PHACTR1: variants seen among roughly 807,000 people sequenced by gnomAD.
The protein encoded by PHACTR1 is RPEL repeat containing 1.
In PHACTR1, 16 loss-of-function variants were observed where a neutral mutation model predicts 69.2. That is an observed-to-expected ratio of 0.23 (90% confidence interval 0.16 to 0.35). The LOEUF is 0.35. Among genes scored for constraint, PHACTR1 ranks in the 10% least tolerant of loss-of-function variants. The pLI is 1.00. For synonymous variants in PHACTR1, 312 were observed against 284.5 expected (o/e 1.10, Z -0.97); for missense variants, 510 against 734.7 (o/e 0.69, Z 3.54).
At chr6:12,868,059 A>G (rs1036976732) in intron 4 of PHACTR1, among the ~76,000 whole-genome samples, 1 of 152,096 alleles carries the variant, frequency 6.6e-6, no homozygotes, top group African/African-American at 2.4e-5. Context: ...GGAGATGGAG[A>G]CCATCCTGGC....
At chr6:13,119,267 A>C (rs938723365) in intron 5 of PHACTR1, among the ~76,000 whole-genome samples, 2 of 152,238 alleles carry the variant, frequency 1.3e-5, no homozygotes, top group Non-Finnish European at 2.9e-5. Context: ...TGGAAAACCC[A>C]CTGGGATTAA....
intron 4 of PHACTR1, among the ~76,000 whole-genome samples, chr6:12,999,312 C>T (rs900741775): frequency 1.3e-5 from 2 of 152,112 alleles, no homozygotes; most frequent in Non-Finnish European, 2.9e-5. Flanking sequence ...TCTTAAAATA[C>T]GTTGAGGCCG....
chr6:13,237,886 A>C (rs1280399906), intron 10 of PHACTR1, among the ~76,000 whole-genome samples: 1 of 152,218 alleles, frequency 6.6e-6, no homozygotes, highest in Non-Finnish European at 1.5e-5. Flanking sequence ...GTGCATGTAA[A>C]CATAGAAAAG....
At position 13,283,744 on chromosome 6, in the gene PHACTR1, G is replaced by A. The variant is rs1228361612; in HGVS notation, c.1650+182G>A. On this transcript the variant is annotated intron_variant, in intron 13 of 14. Coordinates refer to ENST00000332995, the MANE Select transcript of PHACTR1 (RefSeq NM_030948.6). The surrounding 1 kb of genome is among the most constrained non-coding windows in gnomAD (Gnocchi z 4.7). ...ACAGATAATCTGCGGAAAGGCTGCT[G>A]AATCGGAGAAAACACAAGGCACATA... 3 of 845,892 alleles carry A rather than the reference G, an allele frequency of 3.5e-6. No homozygotes were observed. Among genetic ancestry groups the A allele is most frequent in the Non-Finnish European group, 5.5e-6 (3 of 547,762 alleles). The allele number at this position is 845,892 out of a possible 1,614,324, so 52.4% of individuals were successfully genotyped here.
chr6:12,967,438 T>G (rs1478857522), intron 4 of PHACTR1, among the ~76,000 whole-genome samples: 2 of 152,086 alleles, frequency 1.3e-5, no homozygotes, highest in Non-Finnish European at 2.9e-5. Context: ...TACAAGGGAG[T>G]CTCTATTCTT....
chr6:13,230,438 C>T (rs185321181), intron 10 of PHACTR1: 45 of 783,210 alleles, frequency 5.7e-5, no homozygotes, highest in African/African-American at 5.2e-4. Context: ...CCCAGCTACT[C>T]GGGAGGCTGA....
intron 4 of PHACTR1, among the ~76,000 whole-genome samples, chr6:13,029,022 C>T (rs1237166629): frequency 1.3e-5 from 2 of 152,116 alleles, no homozygotes; most frequent in East Asian, 1.9e-4. Context: ...AATAACATTG[C>T]TTATTCACTT....
intron 5 of PHACTR1, among the ~76,000 whole-genome samples, chr6:13,114,930 T>TA (rs1561849636): frequency 6.6e-6 from 1 of 152,214 alleles, no homozygotes; most frequent in Non-Finnish European, 1.5e-5. Flanking sequence ...GTAAACTGCA[T>TA]ACATATTCTC....
chr6:13,134,795 T>TAAAAAAAAA (rs35318262), intron 5 of PHACTR1, among the ~76,000 whole-genome samples: 1 of 111,362 alleles, frequency 9.0e-6, no homozygotes, highest in African/African-American at 3.9e-5. Context: ...CAATAAATAC[T>TAAAAAAAAA]AAAAAAAAAA....
At chr6:12,952,323 C>T (rs1791397437) in intron 4 of PHACTR1, among the ~76,000 whole-genome samples, 3 of 152,230 alleles carry the variant, frequency 2.0e-5, no homozygotes, top group African/African-American at 7.2e-5. Context: ...GACATGTTCT[C>T]ACCACTGTAG....
At chr6:12,879,454 C>G (rs1205221522) in intron 4 of PHACTR1, among the ~76,000 whole-genome samples, 3 of 152,136 alleles carry the variant, frequency 2.0e-5, no homozygotes, top group Non-Finnish European at 2.9e-5. Context: ...TGCATTTACA[C>G]TCACCTTCCC....
chr6:12,818,384 A>G (rs1775828826), intron 4 of PHACTR1, among the ~76,000 whole-genome samples: 1 of 152,178 alleles, frequency 6.6e-6, no homozygotes, highest in South Asian at 2.1e-4. Context: ...TTCATCTTCC[A>G]GGAGGCCAAC....
At chr6:12,844,957 G>C (rs1398250523) in intron 4 of PHACTR1, among the ~76,000 whole-genome samples, 3 of 152,118 alleles carry the variant, frequency 2.0e-5, no homozygotes, top group Non-Finnish European at 4.4e-5. Context: ...AAATGCTTGA[G>C]CAGCAACAGA....
intron 5 of PHACTR1, among the ~76,000 whole-genome samples, chr6:13,084,291 C>T (rs1158453876): frequency 6.8e-6 from 1 of 146,116 alleles, no homozygotes; most frequent in Non-Finnish European, 1.5e-5. Context: ...ACCAACACCG[C>T]ATGTTCTCAC....
At chr6:13,133,442 C>T (rs997346349) in intron 5 of PHACTR1, among the ~76,000 whole-genome samples, 7 of 151,798 alleles carry the variant, frequency 4.6e-5, no homozygotes, top group South Asian at 2.1e-4. Flanking sequence ...TGCAGGCGCG[C>T]GCCGCCACAC....
intron 4 of PHACTR1, among the ~76,000 whole-genome samples, chr6:12,811,735 G>T (rs140062859): frequency 1.1e-3 from 173 of 152,142 alleles, no homozygotes; most frequent in African/African-American, 3.6e-3. Flanking sequence ...GCTCTGGTCT[G>T]GGCCTGTCTT....
chr6:12,844,590 A>G (rs1319846139), intron 4 of PHACTR1, among the ~76,000 whole-genome samples: 3 of 152,120 alleles, frequency 2.0e-5, no homozygotes, highest in Admixed American at 1.3e-4. Context: ...TAGGGAGTTT[A>G]TATTTTGGTA....
At position 13,112,853 on chromosome 6, in the gene PHACTR1, G is replaced by A. The variant is rs576116259; in HGVS notation, c.416-47351G>A. ...GTTCACTCTGTTGATAGTTTCTTTT[G>A]CTGTGCAGAAGCTCTTAAGTATAAT... is the stretch of plus-strand genomic sequence containing the variant. On this transcript the variant is annotated intron_variant, in intron 5 of 14. Coordinates refer to ENST00000332995, the MANE Select transcript of PHACTR1 (RefSeq NM_030948.6). Among the ~76,000 whole-genome samples the A allele has an allele frequency of 2.6e-5, 4 of 152,126 alleles. No individual in the cohort carries two copies. The East Asian group carries it at 7.7e-4, about 29-fold the overall frequency.
At chr6:13,184,725 C>G in intron 7 of PHACTR1, 2 of 1,202,630 alleles carry the variant, frequency 1.7e-6, no homozygotes, top group South Asian at 2.4e-5. Context: ...AGTCCCTGTC[C>G]TGTGTTCCCC....
Sources: allele counts gnomAD v4.1 joint callset (sites outside exome capture counted in the v4.1 genomes callset), GRCh38; gene constraint gnomAD v4.1.1; non-coding constraint Gnocchi (gnomAD v3.1); transcripts MANE v1.5; gene names NCBI Gene and HGNC (gene_info 2026-07-23, HGNC 2026-07-21).